The following CDH13 variants were observed in gnomAD, a reference collection of about 807,000 sequenced individuals.
CDH13 encodes the protein cadherin-13.
CDH13 carries 24 observed loss-of-function variants against 63.8 expected under a neutral mutation model. The observed-to-expected ratio is 0.38, with a 90% confidence interval of 0.27 to 0.53. The LOEUF (loss-of-function observed/expected upper bound fraction) is 0.53. CDH13 is among the 20% of genes least tolerant of loss of function. The pLI, the probability that CDH13 is intolerant of heterozygous loss-of-function variation, is 0.85. For missense variants in CDH13, 1,049 were observed against 903.1 expected, an observed-to-expected ratio of 1.16 and a Z score of -2.07; for synonymous variants, 503 against 355.3, an observed-to-expected ratio of 1.42 and a Z score of -4.67.
intron 4 of CDH13, among the ~76,000 whole-genome samples, chr16:83,142,479 C>G (rs1039624909): frequency 1.3e-5 from 2 of 152,142 alleles, no homozygotes; most frequent in African/African-American, 4.8e-5. Context: ...CTTCATCCAG[C>G]TGCCTCCTAC....
At chr16:82,866,018 T>C (rs2151180065) in intron 2 of CDH13, among the ~76,000 whole-genome samples, 1 of 152,300 alleles carries the variant, frequency 6.6e-6, no homozygotes, top group African/African-American at 2.4e-5. Context: ...AAGTTCAAAA[T>C]TCTGCAGATC....
chr16:83,762,328 C>G (rs1270296270), intron 11 of CDH13, among the ~76,000 whole-genome samples: 3 of 152,056 alleles, frequency 2.0e-5, no homozygotes, highest in African/African-American at 4.8e-5. Flanking sequence ...AGTACAGGCA[C>G]TCTTTTATGG....
chr16:82,846,685 G>T (rs963223260), intron 1 of CDH13, among the ~76,000 whole-genome samples: 1 of 152,134 alleles, frequency 6.6e-6, no homozygotes, highest in African/African-American at 2.4e-5. Flanking sequence ...ATATGTCCAT[G>T]TGTCTGTCTT....
At chr16:83,428,908 C>G (rs576321360) in intron 6 of CDH13, among the ~76,000 whole-genome samples, 1 of 152,294 alleles carries the variant, frequency 6.6e-6, no homozygotes, top group African/African-American at 2.4e-5. Context: ...TGCACTGGGC[C>G]AATCCATTAC....
intron 1 of CDH13, among the ~76,000 whole-genome samples, chr16:82,724,934 T>C (rs2033007628): frequency 6.6e-6 from 1 of 152,220 alleles, no homozygotes; most frequent in Non-Finnish European, 1.5e-5. Flanking sequence ...ATCAGGATAA[T>C]TTAGCTCATA....
chr16:83,401,231 TG>T (rs1164741023), intron 6 of CDH13, among the ~76,000 whole-genome samples: 1 of 150,454 alleles, frequency 6.6e-6, no homozygotes, highest in African/African-American at 2.5e-5. Flanking sequence ...CCAGCTACTT[TG>T]GGGGGCTGAG....
intron 2 of CDH13, among the ~76,000 whole-genome samples, chr16:82,938,405 A>C (rs1346571390): frequency 6.6e-6 from 1 of 152,236 alleles, no homozygotes; most frequent in Non-Finnish European, 1.5e-5. Flanking sequence ...AGCCCTCTCA[A>C]ATATCAATGG....
At chr16:83,237,312 G>T (rs930428358) in intron 5 of CDH13, among the ~76,000 whole-genome samples, 1 of 152,140 alleles carries the variant, frequency 6.6e-6, no homozygotes, top group African/African-American at 2.4e-5. Flanking sequence ...TTGTGTCTTT[G>T]CTGTCAAGCA....
At chr16:83,026,255 C>T (rs893709176) in intron 2 of CDH13, among the ~76,000 whole-genome samples, 3 of 152,170 alleles carry the variant, frequency 2.0e-5, no homozygotes, top group Non-Finnish European at 4.4e-5. Context: ...TCTCCACTTG[C>T]CCATCTATTC....
intron 5 of CDH13, among the ~76,000 whole-genome samples, chr16:83,274,360 C>G (rs1407262941): frequency 2.0e-5 from 3 of 152,168 alleles, no homozygotes; most frequent in East Asian, 3.9e-4. Flanking sequence ...GCTCTTCTCT[C>G]TGTTTATAAT....
At chr16:83,471,465 A>G (rs1598096737) in intron 6 of CDH13, among the ~76,000 whole-genome samples, 1 of 152,050 alleles carries the variant, frequency 6.6e-6, no homozygotes, top group Non-Finnish European at 1.5e-5. Flanking sequence ...TAGTACAGAT[A>G]GGGTTTTACC....
At chr16:83,415,246 C>T (rs1291097980) in intron 6 of CDH13, among the ~76,000 whole-genome samples, 7 of 152,072 alleles carry the variant, frequency 4.6e-5, no homozygotes, top group Admixed American at 1.3e-4. Flanking sequence ...ATAGAAAGTC[C>T]GAACGGACCC....
intron 2 of CDH13, among the ~76,000 whole-genome samples, chr16:82,973,275 A>G (rs1175791958): frequency 6.6e-6 from 1 of 152,222 alleles, no homozygotes; most frequent in African/African-American, 2.4e-5. Context: ...GACGGTCTGC[A>G]TCCCTCCTCT....
intron 1 of CDH13, among the ~76,000 whole-genome samples, chr16:82,831,561 T>C (rs1318455374): frequency 6.6e-6 from 1 of 152,122 alleles, no homozygotes; most frequent in Non-Finnish European, 1.5e-5. Flanking sequence ...ATAAAGGGGC[T>C]GAGGTGAGGA....
chr16:82,676,061 G>A (rs1275200492), intron 1 of CDH13, among the ~76,000 whole-genome samples: 3 of 152,218 alleles, frequency 2.0e-5, no homozygotes, highest in Non-Finnish European at 4.4e-5. Flanking sequence ...CCCCCAGTCT[G>A]TGCCTGGCAA....
chr16:83,747,220 CTG>C (rs1912664887), intron 10 of CDH13, among the ~76,000 whole-genome samples: 1 of 152,210 alleles, frequency 6.6e-6, no homozygotes. Context: ...AATAGTTTGG[CTG>C]TGTCCTCACC....
intron 3 of CDH13, among the ~76,000 whole-genome samples, chr16:83,104,293 C>T (rs892387422): frequency 5.5e-4 from 83 of 152,174 alleles, no homozygotes; most frequent in African/African-American, 1.9e-3. Flanking sequence ...TAATCAATGA[C>T]GTGGGGAGAC....
At chr16:83,007,854 G>A (rs1268997892) in intron 2 of CDH13, among the ~76,000 whole-genome samples, 2 of 150,446 alleles carry the variant, frequency 1.3e-5, no homozygotes, top group African/African-American at 2.4e-5. Flanking sequence ...AAAGAAAAAT[G>A]CCTTAAAATT....
intron 3 of CDH13, among the ~76,000 whole-genome samples, chr16:83,103,937 C>A (rs556136539): frequency 6.6e-6 from 1 of 152,166 alleles, no homozygotes; most frequent in Admixed American, 6.5e-5. Context: ...AAAAATTACT[C>A]CTTTCCTGTG....
Sources: gnomAD v4.1 joint callset for allele counts (sites outside exome capture counted in the v4.1 genomes callset) on GRCh38, gnomAD v4.1.1 for gene constraint, MANE v1.5 for transcripts, NCBI Gene and HGNC (gene_info 2026-07-23, HGNC 2026-07-21) for gene names.